The following UIMC1 variants were observed in gnomAD, a reference collection of about 807,000 sequenced individuals.
The protein encoded by UIMC1 is BRCA1-A complex subunit RAP80.
Under a neutral mutation model 84.9 loss-of-function variants are expected in UIMC1, and 42 were observed. The observed-to-expected ratio is 0.49, with a 90% CI of 0.39 to 0.64. The LOEUF (loss-of-function observed/expected upper bound fraction) is 0.64. Among genes scored for constraint, UIMC1 ranks in the 30% least tolerant of loss-of-function variants. The pLI, the probability that UIMC1 is intolerant of heterozygous loss-of-function variation, is 0.00. For synonymous variants in UIMC1, 281 were observed against 293.0 expected, an observed-to-expected ratio of 0.96 and a Z score of 0.42; for missense variants, 825 against 847.6, an observed-to-expected ratio of 0.97 and a Z score of 0.33.
intron 1 of UIMC1, among the ~76,000 whole-genome samples, chr5:177,003,245 C>T (rs768766316): frequency 1.3e-5 from 2 of 152,234 alleles, no homozygotes; most frequent in Admixed American, 1.3e-4. Flanking sequence ...TTTTATATCC[C>T]AGTTTATACT....
chr5:177,022,317 C>T (rs1441070365), intron 1 of UIMC1: 2 of 168,356 alleles, frequency 1.2e-5, no homozygotes, highest in East Asian at 1.8e-4. Context: ...TAATATGGAA[C>T]CTTAGCTGTA....
At chr5:176,986,812 A>G (rs1772095155) in intron 1 of UIMC1, among the ~76,000 whole-genome samples, 1 of 152,206 alleles carries the variant, frequency 6.6e-6, no homozygotes, top group Admixed American at 6.5e-5. Flanking sequence ...TTAGGGTTCT[A>G]GGCAGAACAA....
intron 1 of UIMC1, among the ~76,000 whole-genome samples, chr5:176,994,407 A>G (rs1344468689): frequency 6.6e-6 from 1 of 152,078 alleles, no homozygotes; most frequent in Non-Finnish European, 1.5e-5. Flanking sequence ...GAAAATAGTG[A>G]CAATACAAAT....
intron 9 of UIMC1, 75 bp downstream of exon 9, chr5:176,951,399 T>G: frequency 8.7e-7 from 1 of 1,155,942 alleles, no homozygotes; most frequent in Non-Finnish European, 1.2e-6. Flanking sequence ...TTTCAGCCAA[T>G]GTCAACGTTG....
At chr5:176,952,057 G>A (rs1765953511) in intron 8 of UIMC1, among the ~76,000 whole-genome samples, 1 of 152,178 alleles carries the variant, frequency 6.6e-6, no homozygotes, top group South Asian at 2.1e-4. Context: ...ATGGACCCAT[G>A]TCGTCACATA....
chr5:176,986,845 T>C (rs919591590), intron 1 of UIMC1, among the ~76,000 whole-genome samples: 1 of 151,990 alleles, frequency 6.6e-6, no homozygotes, highest in South Asian at 2.1e-4. Context: ...AAATAAAAGA[T>C]ACTCAACTTA....
chr5:176,953,014 G>C (rs1022448941), intron 8 of UIMC1, among the ~76,000 whole-genome samples: 4 of 152,126 alleles, frequency 2.6e-5, no homozygotes, highest in Non-Finnish European at 5.9e-5. Flanking sequence ...AGGTAATTAG[G>C]TCATGAGCAT....
intron 9 of UIMC1, among the ~76,000 whole-genome samples, chr5:176,949,087 CT>C (rs1765507391): frequency 6.6e-6 from 1 of 151,560 alleles, no homozygotes; most frequent in Admixed American, 6.6e-5. Context: ...CAGTTTTCCC[CT>C]TTTTAAAAAA....
chr5:176,909,894 T>G (rs1259258959), intron 11 of UIMC1, among the ~76,000 whole-genome samples: 1 of 152,204 alleles, frequency 6.6e-6, no homozygotes, highest in East Asian at 1.9e-4. Context: ...ACCAGTTACA[T>G]AAAATTTCTC....
chr5:176,981,300 A>G (rs1268175255), intron 2 of UIMC1, among the ~76,000 whole-genome samples: 2 of 151,738 alleles, frequency 1.3e-5, no homozygotes, highest in Non-Finnish European at 2.9e-5. Flanking sequence ...ACGTGCCACC[A>G]CACCTGGCTA....
intron 13 of UIMC1, among the ~76,000 whole-genome samples, chr5:176,906,768 A>G (rs2940531): frequency 0.14 from 21,572 of 152,266 alleles, 3,286 homozygotes; most frequent in African/African-American, 0.38. Context: ...AAAACAATAG[A>G]AGGAAGCAAT....
At chr5:176,991,859 G>A (rs1772898471) in intron 1 of UIMC1, among the ~76,000 whole-genome samples, 1 of 152,038 alleles carries the variant, frequency 6.6e-6, no homozygotes, top group African/African-American at 2.4e-5. Context: ...GTGAACCTGG[G>A]AGGCAGAGCT....
In UIMC1 at chr5:176,994,510, T is replaced by TAAAA. The variant is rs58699518; in HGVS notation, c.-8-11891_-8-11888dup. ...CACTTTGGAAAACTGGCAGTTTCTT[T>TAAAA]AAAAAAAAAAAAAAAAAAAAAGTAT... On this transcript the variant is annotated intron_variant, in intron 1 of 14. Coordinates refer to ENST00000511320, the MANE Select transcript of UIMC1 (RefSeq NM_001199298.2). 8.3e-3 allele frequency among the ~76,000 whole-genome samples: 1,144 copies of TAAAA among 138,298 alleles called. 4 individuals are homozygous for TAAAA. Among genetic ancestry groups the TAAAA allele is most frequent in the South Asian group, 0.023 (99 of 4,310 alleles). The allele number at this position is 138,298 out of a possible 152,430, so 90.7% of individuals were successfully genotyped here.
chr5:176,909,991 C>T (rs2962843), intron 11 of UIMC1, among the ~76,000 whole-genome samples: 21,594 of 152,152 alleles, frequency 0.14, 3,300 homozygotes, highest in African/African-American at 0.38. Context: ...AGCACAATGA[C>T]TGGCACATAA....
At chr5:176,946,382 C>T (rs10052376) in intron 9 of UIMC1, among the ~76,000 whole-genome samples, 15,604 of 151,956 alleles carry the variant, frequency 0.1, 1,560 homozygotes, top group African/African-American at 0.26. Context: ...CGTGGTGGCA[C>T]GCACCTATAA....
At chr5:176,998,486 G>A (rs1404904108) in intron 1 of UIMC1, among the ~76,000 whole-genome samples, 139 of 19,432 alleles carry the variant, frequency 7.2e-3, no homozygotes, top group Middle Eastern at 0.062. Flanking sequence ...AAAAAAAAAA[G>A]TCTGGGTACA....
chr5:176,933,924 T>TA (rs1247295071), intron 10 of UIMC1, among the ~76,000 whole-genome samples: 1 of 152,160 alleles, frequency 6.6e-6, no homozygotes, highest in Non-Finnish European at 1.5e-5. Flanking sequence ...AGCCCTCCCT[T>TA]ACTCCACCAA....
chr5:177,002,560 G>T (rs1413742379), intron 1 of UIMC1, among the ~76,000 whole-genome samples: 1 of 152,198 alleles, frequency 6.6e-6, no homozygotes, highest in Non-Finnish European at 1.5e-5. Flanking sequence ...CCAGCACTTT[G>T]GGAGGCCGAG....
At chr5:177,012,424 G>A (rs368774008) in intron 1 of UIMC1, among the ~76,000 whole-genome samples, 10 of 152,116 alleles carry the variant, frequency 6.6e-5, no homozygotes, top group Admixed American at 5.2e-4. Context: ...AGGGCCAGGC[G>A]CAGTGTCTCA....
Sources: gnomAD v4.1 joint callset for allele counts (sites outside exome capture counted in the v4.1 genomes callset) on GRCh38, gnomAD v4.1.1 for gene constraint, MANE v1.5 for transcripts, NCBI Gene and HGNC (gene_info 2026-07-23, HGNC 2026-07-21) for gene names.